The following RPSA2 variants were observed in gnomAD, a reference collection of about 807,000 sequenced individuals.
The protein encoded by RPSA2 is small ribosomal subunit protein uS2B.
At chr19:23,797,748 T>A in the RPSA2 span, among the ~76,000 whole-genome samples, 13 of 152,224 alleles carry the variant, frequency 8.5e-5, no homozygotes, top group Non-Finnish European at 1.6e-4. Context: ...ACTTGCTTTA[T>A]TCATATGAAC....
chr19:23,864,609 G>C, the RPSA2 span, among the ~76,000 whole-genome samples: 1 of 152,148 alleles, frequency 6.6e-6, no homozygotes, highest in East Asian at 1.9e-4. Flanking sequence ...TTATTCTAAA[G>C]TTGGCTTATA....
the RPSA2 span, among the ~76,000 whole-genome samples, chr19:23,805,747 G>C: frequency 2.0e-5 from 3 of 152,110 alleles, no homozygotes; most frequent in African/African-American, 7.2e-5. Flanking sequence ...ATTGCCATGT[G>C]CTTAGTATGT....
At chr19:23,782,521 G>A in the RPSA2 span, 3 of 152,206 alleles carry the variant, frequency 2.0e-5, no homozygotes, top group South Asian at 6.2e-4. Context: ...TTATACCTAC[G>A]TGATGTGACA....
At chr19:23,812,388 C>CTTTTTTTTTTTTTTT in the RPSA2 span, among the ~76,000 whole-genome samples, 1,583 of 113,672 alleles carry the variant, frequency 0.014, no homozygotes, top group East Asian at 0.017. Context: ...CTCTTTTTCT[C>CTTTTTTTTTTTTTTT]TTTTTTTTTT....
At chr19:23,859,759 C>T in the RPSA2 span, among the ~76,000 whole-genome samples, 8 of 152,300 alleles carry the variant, frequency 5.3e-5, no homozygotes, top group Admixed American at 1.3e-4. Flanking sequence ...TTATTTTACA[C>T]ATATCTCCAT....
the RPSA2 span, among the ~76,000 whole-genome samples, chr19:23,781,654 G>T: frequency 6.6e-6 from 1 of 152,104 alleles, no homozygotes; most frequent in African/African-American, 2.4e-5. Context: ...CACATAATTT[G>T]CAAAGGAAAT....
At chr19:23,779,751 A>T in the RPSA2 span, among the ~76,000 whole-genome samples, 1 of 152,172 alleles carries the variant, frequency 6.6e-6, no homozygotes, top group Non-Finnish European at 1.5e-5. Flanking sequence ...ATCTGTATCC[A>T]TTACATAAAA....
the RPSA2 span, chr19:23,827,656 C>A: frequency 3.1e-6 from 5 of 1,596,728 alleles, no homozygotes; most frequent in South Asian, 5.5e-5. Flanking sequence ...CATGCAACAA[C>A]AAGGGAGCTC....
chr19:23,796,511 T>C, the RPSA2 span, among the ~76,000 whole-genome samples: 1 of 152,150 alleles, frequency 6.6e-6, no homozygotes, highest in Non-Finnish European at 1.5e-5. Flanking sequence ...TTTCTTAATT[T>C]CTTAAAATAG....
At chr19:23,777,602 T>C in the RPSA2 span, among the ~76,000 whole-genome samples, 2 of 114,108 alleles carry the variant, frequency 1.8e-5, no homozygotes, top group Non-Finnish European at 3.6e-5. Flanking sequence ...GCCTGTCTTC[T>C]GGTTTTATTA....
chr19:23,866,653 GC>G, the RPSA2 span, among the ~76,000 whole-genome samples: 6 of 152,038 alleles, frequency 3.9e-5, no homozygotes, highest in Admixed American at 2.0e-4. Context: ...CTGGACCCAG[GC>G]CCCTCAAGCC....
the RPSA2 span, chr19:23,817,540 T>C: frequency 6.6e-6 from 1 of 152,210 alleles, no homozygotes; most frequent in African/African-American, 2.4e-5. Flanking sequence ...ACATTTAATA[T>C]AGACTTTTAT....
the RPSA2 span, among the ~76,000 whole-genome samples, chr19:23,821,608 C>T: frequency 6.6e-5 from 10 of 152,210 alleles, no homozygotes; most frequent in African/African-American, 2.2e-4. Flanking sequence ...CCGATCAGGT[C>T]GGCATCTGGC....
the RPSA2 span, among the ~76,000 whole-genome samples, chr19:23,820,703 A>G: frequency 7.3e-6 from 1 of 137,456 alleles, no homozygotes; most frequent in East Asian, 2.1e-4. Flanking sequence ...TCCTCCTTAT[A>G]TATAGCAATG....
chr19:23,832,644 A>C, the RPSA2 span: 112 of 1,460,204 alleles, frequency 7.7e-5, no homozygotes, highest in Non-Finnish European at 1.0e-4. Flanking sequence ...ACAAATGTGA[A>C]GAAGGTGGCA....
At chr19:23,764,649 T>G in the RPSA2 span, among the ~76,000 whole-genome samples, 3 of 152,108 alleles carry the variant, frequency 2.0e-5, no homozygotes, top group Non-Finnish European at 4.4e-5. Flanking sequence ...CCTGCTAATT[T>G]TTATATTTTG....
At chr19:23,822,378 C>T in the RPSA2 span, among the ~76,000 whole-genome samples, 1 of 152,218 alleles carries the variant, frequency 6.6e-6, no homozygotes, top group East Asian at 1.9e-4. Context: ...TATCCTTTGA[C>T]ACTCCTTCGT....
chr19:23,858,119 T>C, the RPSA2 span, among the ~76,000 whole-genome samples: 1 of 151,768 alleles, frequency 6.6e-6, no homozygotes, highest in Non-Finnish European at 1.5e-5. Flanking sequence ...TATATATATA[T>C]AAACATGTTT....
At chr19:23,789,154 C>A in the RPSA2 span, among the ~76,000 whole-genome samples, 1 of 151,792 alleles carries the variant, frequency 6.6e-6, no homozygotes, top group Non-Finnish European at 1.5e-5. Context: ...GCATGCATCA[C>A]CACACTGGGC....
Sources: allele counts gnomAD v4.1 joint callset (sites outside exome capture counted in the v4.1 genomes callset), GRCh38; gene constraint gnomAD v4.1.1; transcripts MANE v1.5; gene names NCBI Gene and HGNC (gene_info 2026-07-23, HGNC 2026-07-21).